Variants in KCNQ1 observed in about 807,000 individuals in gnomAD.
KCNQ1 encodes the protein potassium voltage-gated channel subfamily KQT member 1.
KCNQ1 carries 49 observed loss-of-function variants against 72.4 expected under a neutral mutation model. The observed-to-expected ratio is 0.68, with a 90% CI of 0.54 to 0.86. The LOEUF is 0.86. Among genes scored for constraint, KCNQ1 ranks in the 40% least tolerant of loss-of-function variants. The pLI is 0.00. For missense variants in KCNQ1, 790 were observed against 945.1 expected (o/e 0.84, Z 2.15); for synonymous variants, 450 against 412.6 (o/e 1.09, Z -1.10).
chr11:2,769,594 G>A lies in KCNQ1; in HGVS notation c.1590+675G>A, dbSNP rs181037882. Among the ~76,000 whole-genome samples the A allele has an allele frequency of 6.6e-6, 1 of 152,232 alleles. No homozygotes were observed. Among genetic ancestry groups the A allele is most frequent in the Admixed American group, 6.5e-5 (1 of 15,288 alleles). On this transcript the variant is annotated intron_variant, in intron 12 of 15. Transcript: ENST00000155840. This position sits in a 1 kb window ranked among gnomAD's most constrained non-coding sequence, Gnocchi z 4.6. ...CAGGCATGTCTCCCCTCCTGCCTTG[G>A]GGACATTCCTCGGATGAAGGCGGTG...
In KCNQ1 at chr11:2,652,116, T is replaced by C; in HGVS notation, c.1394-9845T>C. 2.5e-6 allele frequency: 1 copy of C among 398,572 alleles called. No homozygotes were observed. The highest frequency in any genetic ancestry group is 4.4e-6 in the Non-Finnish European group (1 of 226,098). The allele number at this position is 398,572 out of a possible 1,614,324, so 24.7% of individuals were successfully genotyped here. On this transcript the variant is annotated intron_variant, in intron 10 of 15. Coordinates refer to ENST00000155840, the MANE Select transcript of KCNQ1 (RefSeq NM_000218.3). The surrounding 1 kb of genome is among the most constrained non-coding windows in gnomAD (Gnocchi z 5.9). Reference sequence around the variant, plus strand: ...CCCCAGTTCTGGCCTGGCTGGGAGGTGGCCTGGGAAGGGACCTGTGTTTCT... The same window carrying C: ...CCCCAGTTCTGGCCTGGCTGGGAGGCGGCCTGGGAAGGGACCTGTGTTTCT...
intron 6 of KCNQ1, among the ~76,000 whole-genome samples, chr11:2,577,908 A>G (rs1192607652): frequency 1.4e-5 from 2 of 144,472 alleles, no homozygotes; most frequent in African/African-American, 2.5e-5. Flanking sequence ...CCCCTTTCCC[A>G]GGCCACCCCC....
chr11:2,813,451 G>A lies in KCNQ1; in HGVS notation c.1795-34316G>A, dbSNP rs951444501. Among the ~76,000 whole-genome samples, 10 of 151,598 alleles carry A rather than the reference G, an allele frequency of 6.6e-5. No homozygotes were observed. The highest frequency in any genetic ancestry group is 4.2e-4 in the South Asian group (2 of 4,794). ...TGCTTAGAGCAAATGCCCCTCCCCC[G>A]CCATCTTTTCATGACTCTCCCCCTT... On this transcript the variant is annotated intron_variant, in intron 15 of 15. Transcript: ENST00000155840. This position sits in a 1 kb window ranked among gnomAD's most constrained non-coding sequence, Gnocchi z 4.4.
At chr11:2,531,784 A>G (rs1177810947) in intron 2 of KCNQ1, among the ~76,000 whole-genome samples, 1 of 151,948 alleles carries the variant, frequency 6.6e-6, no homozygotes, top group African/African-American at 2.4e-5. Context: ...TTGTCCCTTT[A>G]TCTGTCATGC....
intron 2 of KCNQ1, among the ~76,000 whole-genome samples, chr11:2,556,313 T>G (rs1452393063): frequency 6.6e-6 from 1 of 152,198 alleles, no homozygotes; most frequent in Non-Finnish European, 1.5e-5. Flanking sequence ...TGAGGTGTGC[T>G]GGAGGGTCTA....
chr11:2,617,435 G>T lies in KCNQ1; in HGVS notation c.1393+28581G>T. ...TTTTAATGCGGAATAATATTCCATT[G>T]TAGACATACACACCACAGTTTAGTC... is the stretch of plus-strand genomic sequence containing the variant. On this transcript the variant is annotated intron_variant, in intron 10 of 15. Coordinates refer to ENST00000155840, the MANE Select transcript of KCNQ1 (RefSeq NM_000218.3). The surrounding 1 kb of genome is among the most constrained non-coding windows in gnomAD (Gnocchi z 4.6). 5.0e-6 allele frequency: 2 copies of T among 398,338 alleles called. No individual in the cohort carries two copies. Among genetic ancestry groups the T allele is most frequent in the Non-Finnish European group, 8.9e-6 (2 of 225,922 alleles). 24.7% of individuals were successfully genotyped at this position (398,338 alleles called of 1,614,324 possible).
chr11:2,583,586 A>C (rs751428209), intron 7 of KCNQ1, 41 bp downstream of exon 7: 1 of 1,410,258 alleles, frequency 7.1e-7, no homozygotes, highest in East Asian at 2.3e-5. Context: ...CTCCTTGGAC[A>C]GCTGGGGTCC....
chr11:2,523,233 A>T (rs1847422511), intron 1 of KCNQ1, among the ~76,000 whole-genome samples: 1 of 149,178 alleles, frequency 6.7e-6, no homozygotes, highest in Non-Finnish European at 1.5e-5. Flanking sequence ...TTGCTCTGTC[A>T]CCCAGGCTGG....
In KCNQ1 at chr11:2,603,017, T is replaced by G. The variant is rs1848829064; in HGVS notation, c.1393+14163T>G. Among the ~76,000 whole-genome samples the G allele has an allele frequency of 6.6e-6, 1 of 152,214 alleles. No homozygotes were observed. Among genetic ancestry groups the G allele is most frequent in the African/African-American group, 2.4e-5 (1 of 41,462 alleles). ...CAAATATCTTCTGCTATAGCTTTTT[T>G]CTAACAGCCTTGTGGAGATATAGTT... On this transcript the variant is annotated intron_variant, in intron 10 of 15. Coordinates refer to ENST00000155840, the MANE Select transcript of KCNQ1 (RefSeq NM_000218.3). The surrounding 1 kb of genome is among the most constrained non-coding windows in gnomAD (Gnocchi z 4.1).
chr11:2,650,237 T>A (rs1849736097), intron 10 of KCNQ1: 1 of 398,482 alleles, frequency 2.5e-6, no homozygotes, highest in African/African-American at 2.1e-5. Context: ...TTGTATCTCA[T>A]TGGGTTTCCT....
chr11:2,700,338 T>G (rs11023840), intron 11 of KCNQ1, among the ~76,000 whole-genome samples: 1 of 151,786 alleles, frequency 6.6e-6, no homozygotes, highest in Non-Finnish European at 1.5e-5. Flanking sequence ...CGGGGTGAGC[T>G]GGAGACACGG....
intron 11 of KCNQ1, among the ~76,000 whole-genome samples, chr11:2,741,894 G>A (rs1292682934): frequency 2.0e-5 from 3 of 152,202 alleles, no homozygotes; most frequent in Non-Finnish European, 4.4e-5. Context: ...CCCAGGCAGG[G>A]CCAGGGTGGG....
chr11:2,623,659 G>C lies in KCNQ1; in HGVS notation c.1393+34805G>C, dbSNP rs1336392469. Reference sequence around the variant, plus strand: ...TGCCTGGATGTACTACAGTTTATCTGTCTACTCACCTATGGAAGGACATCT... The same window carrying C: ...TGCCTGGATGTACTACAGTTTATCTCTCTACTCACCTATGGAAGGACATCT... On this transcript the variant is annotated intron_variant, in intron 10 of 15. Transcript: ENST00000155840. The surrounding 1 kb of genome is among the most constrained non-coding windows in gnomAD (Gnocchi z 5.2). The C allele has an allele frequency of 2.5e-6, 1 of 398,140 alleles. No individual in the cohort carries two copies. The highest frequency in any genetic ancestry group is 2.1e-5 in the African/African-American group (1 of 48,520). The allele number at this position is 398,140 out of a possible 1,614,324, so 24.7% of individuals were successfully genotyped here.
rs1245535480 is a variant in KCNQ1, at chr11:2,497,507, C to G, written c.387-30421C>G. ...CACAAAGTTCTCATGCTGTGTTTTTCAGCTCCATGAGGTCATTTATGTTCC... is the reference window on the plus strand; with the variant it reads ...CACAAAGTTCTCATGCTGTGTTTTTGAGCTCCATGAGGTCATTTATGTTCC... On this transcript the variant is annotated intron_variant, in intron 1 of 15. Transcript: ENST00000155840. The surrounding 1 kb of genome is among the most constrained non-coding windows in gnomAD (Gnocchi z 4.5). 6.6e-6 allele frequency among the ~76,000 whole-genome samples: 1 copy of G among 152,126 alleles called. No homozygotes were observed. Among genetic ancestry groups the G allele is most frequent in the Non-Finnish European group, 1.5e-5 (1 of 68,032 alleles).
chr11:2,532,285 T>A (rs1477126784), intron 2 of KCNQ1, among the ~76,000 whole-genome samples: 1 of 152,182 alleles, frequency 6.6e-6, no homozygotes, highest in African/African-American at 2.4e-5. Context: ...GCCGTGCATG[T>A]CCCTCCCTGC....
chr11:2,506,667 T>A (rs1847110140), intron 1 of KCNQ1, among the ~76,000 whole-genome samples: 1 of 152,240 alleles, frequency 6.6e-6, no homozygotes, highest in African/African-American at 2.4e-5. Context: ...TTTTGTTGGA[T>A]GTGACCAAAT....
intron 10 of KCNQ1, chr11:2,610,929 ACT>A (rs1848971195): frequency 2.5e-6 from 1 of 397,534 alleles, no homozygotes; most frequent in Admixed American, 4.4e-5. Context: ...TCAATAACTC[ACT>A]CTGAATAATT....
chr11:2,466,262 C>T (rs925820440), intron 1 of KCNQ1, among the ~76,000 whole-genome samples: 4 of 152,136 alleles, frequency 2.6e-5, no homozygotes, highest in African/African-American at 4.8e-5. Context: ...GAAGCGATCT[C>T]CAAAGGGGAG....
chr11:2,726,952 C>A (rs935902567), intron 11 of KCNQ1, among the ~76,000 whole-genome samples: 1 of 152,190 alleles, frequency 6.6e-6, no homozygotes, highest in Non-Finnish European at 1.5e-5. Flanking sequence ...ACTCTCCAAG[C>A]CCTGTCCCTG....
Sources: gnomAD v4.1 joint callset for allele counts (sites outside exome capture counted in the v4.1 genomes callset) on GRCh38, gnomAD v4.1.1 for gene constraint, Gnocchi (gnomAD v3.1) non-coding constraint, MANE v1.5 for transcripts, NCBI Gene and HGNC (gene_info 2026-07-23, HGNC 2026-07-21) for gene names.